Variants in FOXP2 observed in about 807,000 individuals in gnomAD.
FOXP2 encodes the protein forkhead box P2, also known as forkhead box protein P2.
In FOXP2, 12 loss-of-function variants were observed where a neutral mutation model predicts 115.8. That is an observed-to-expected ratio of 0.10 (90% CI 0.07 to 0.17). The LOEUF is 0.17. Among genes scored for constraint, FOXP2 ranks in the 10% least tolerant of loss-of-function variants. FOXP2 has a pLI of 1.00. For missense variants in FOXP2, 629 were observed against 843.5 expected, an observed-to-expected ratio of 0.75 and a Z score of 3.15; for synonymous variants, 328 against 297.7, an observed-to-expected ratio of 1.10 and a Z score of -1.05.
At chr7:114,504,714 CAT>C (rs1797731827) in intron 2 of FOXP2, among the ~76,000 whole-genome samples, 1 of 151,594 alleles carries the variant, frequency 6.6e-6, no homozygotes, top group African/African-American at 2.4e-5. Context: ...AAATTATGCA[CAT>C]AGACAGATGT....
chr7:114,300,635 T>C (rs901335428), intron 2 of FOXP2, among the ~76,000 whole-genome samples: 1 of 152,052 alleles, frequency 6.6e-6, no homozygotes, highest in Non-Finnish European at 1.5e-5. Flanking sequence ...TCCTCAAGCA[T>C]TCTTAGTAAT....
intron 2 of FOXP2, among the ~76,000 whole-genome samples, chr7:114,360,035 T>C (rs1348969132): frequency 6.6e-6 from 1 of 152,164 alleles, no homozygotes; most frequent in African/African-American, 2.4e-5. Context: ...TCTTGAATTA[T>C]AGCTCCCATA....
chr7:114,342,109 T>A (rs916106897), intron 2 of FOXP2, among the ~76,000 whole-genome samples: 5 of 151,480 alleles, frequency 3.3e-5, no homozygotes, highest in African/African-American at 1.2e-4. Context: ...CAAAGTTTTT[T>A]AAGGTGTTAT....
chr7:114,269,753 T>G (rs1795988749), intron 1 of FOXP2, among the ~76,000 whole-genome samples: 2 of 152,178 alleles, frequency 1.3e-5, no homozygotes, highest in South Asian at 4.1e-4. Context: ...TCATTATCAA[T>G]GGGACATGCA....
At chr7:114,232,743 G>A (rs1794914090) in intron 1 of FOXP2, among the ~76,000 whole-genome samples, 1 of 151,816 alleles carries the variant, frequency 6.6e-6, no homozygotes, top group Non-Finnish European at 1.5e-5. Flanking sequence ...AACCCGGGAG[G>A]CGGAAGTTGT....
chr7:114,294,863 A>AATAAATAAATAC (rs1796700583), intron 2 of FOXP2, among the ~76,000 whole-genome samples: 3 of 150,236 alleles, frequency 2.0e-5, no homozygotes, highest in Admixed American at 6.6e-5. Context: ...TAAATAAATA[A>AATAAATAAATAC]ATACATACAT....
chr7:114,195,684 C>T lies in FOXP2; in HGVS notation c.-102+32596C>T, dbSNP rs574905682. ...ATAATGTTGCTGGAATTGTTTATTT[C>T]CCTTCTTATGGTTATGATTCTTCCT... On this transcript the variant is annotated intron_variant, in intron 1 of 17. Coordinates refer to the FOXP2 transcript ENST00000634411. Among the ~76,000 whole-genome samples the T allele has an allele frequency of 2.6e-5, 4 of 151,900 alleles. No homozygotes were observed. In the South Asian group the frequency reaches 6.3e-4, roughly 24 times the overall value.
At chr7:114,099,738 G>C (rs1219338728) in intron 1 of FOXP2, among the ~76,000 whole-genome samples, 2 of 152,150 alleles carry the variant, frequency 1.3e-5, no homozygotes, top group Non-Finnish European at 2.9e-5. Flanking sequence ...TCAAGTCTCT[G>C]ATATAAAATG....
intron 1 of FOXP2, among the ~76,000 whole-genome samples, chr7:114,146,909 T>G (rs544674881): frequency 6.6e-6 from 1 of 152,302 alleles, no homozygotes; most frequent in South Asian, 2.1e-4. Context: ...AGCTTCATCC[T>G]AACCATTTCT....
rs111533592 is a variant in FOXP2 at position 114,489,973 on chromosome 7, T to C, written c.169-44644T>C. 7.2e-3 allele frequency among the ~76,000 whole-genome samples: 1,096 copies of C among 152,224 alleles called. 15 individuals carry two copies. Among genetic ancestry groups the C allele is most frequent in the African/African-American group, 0.025 (1,029 of 41,546 alleles). On this transcript the variant is annotated intron_variant, in intron 2 of 16. Coordinates refer to ENST00000350908, the MANE Select transcript of FOXP2 (RefSeq NM_014491.4). ...GAGCAACAGGGACTTCTGTTCCTTA[T>C]TGGTGAAATGCGGAAATGGTACAGC...
At chr7:114,652,169 T>G (rs1806300334) in intron 8 of FOXP2, 34 bp from the exon 9 acceptor site, 2 of 1,604,462 alleles carry the variant, frequency 1.2e-6, no homozygotes, top group South Asian at 2.2e-5. Flanking sequence ...TCGACATCAC[T>G]TTACATTCTG....
intron 6 of FOXP2, among the ~76,000 whole-genome samples, chr7:114,634,718 G>A (rs1215050331): frequency 6.6e-6 from 1 of 151,854 alleles, no homozygotes; most frequent in African/African-American, 2.4e-5. Flanking sequence ...ATAAATCTAT[G>A]TAATATATGA....
intron 1 of FOXP2, among the ~76,000 whole-genome samples, chr7:114,264,723 A>G (rs1696469403): frequency 6.6e-6 from 1 of 152,208 alleles, no homozygotes; most frequent in Non-Finnish European, 1.5e-5. Context: ...ACCATTCTAC[A>G]GGCTGTATAA....
chr7:114,303,935 C>T (rs369534846), intron 2 of FOXP2, among the ~76,000 whole-genome samples: 1 of 151,808 alleles, frequency 6.6e-6, no homozygotes, highest in South Asian at 2.1e-4. Context: ...AGGCTTTATA[C>T]CTTTATGAAA....
chr7:114,676,337 A>G (rs1341703779), intron 16 of FOXP2, among the ~76,000 whole-genome samples: 3 of 152,190 alleles, frequency 2.0e-5, no homozygotes. Context: ...AAGGATTTGA[A>G]CAAGTCTATA....
chr7:114,659,124 G>A (rs1806742256), intron 11 of FOXP2, among the ~76,000 whole-genome samples: 1 of 152,170 alleles, frequency 6.6e-6, no homozygotes, highest in African/African-American at 2.4e-5. Context: ...CCTCAGGCCA[G>A]CAGGTCGCAC....
chr7:114,276,640 C>T (rs901892817), intron 1 of FOXP2, among the ~76,000 whole-genome samples: 3 of 152,156 alleles, frequency 2.0e-5, no homozygotes, highest in Non-Finnish European at 4.4e-5. Flanking sequence ...TCCATCAAGG[C>T]ATCAATTACA....
intron 1 of FOXP2, among the ~76,000 whole-genome samples, chr7:114,233,043 A>G (rs1794924704): frequency 6.6e-6 from 1 of 152,152 alleles, no homozygotes; most frequent in Non-Finnish European, 1.5e-5. Flanking sequence ...CGTTCAATGG[A>G]TAGCCTTTCA....
At chr7:114,263,752 A>G (rs1204354746) in intron 1 of FOXP2, among the ~76,000 whole-genome samples, 3 of 150,148 alleles carry the variant, frequency 2.0e-5, no homozygotes, top group Non-Finnish European at 4.5e-5. Flanking sequence ...TTCTTGCAGC[A>G]TTCTCCCCTG....
Sources: allele counts gnomAD v4.1 joint callset (sites outside exome capture counted in the v4.1 genomes callset), GRCh38; gene constraint gnomAD v4.1.1; transcripts MANE v1.5; gene names NCBI Gene and HGNC (gene_info 2026-07-23, HGNC 2026-07-21).